The following SMG1 variants were observed in gnomAD, a reference collection of about 807,000 sequenced individuals.
The protein encoded by SMG1 is SMG1 nonsense mediated mRNA decay associated PI3K related kinase.
Under a neutral mutation model 419.9 loss-of-function variants are expected in SMG1, and 22 were observed. That is an observed-to-expected ratio of 0.05 (90% CI 0.04 to 0.07). The LOEUF (loss-of-function observed/expected upper bound fraction) is 0.07, where lower values mean the gene tolerates loss of function less well. Ranked by LOEUF, SMG1 falls within the 10% of genes least tolerant of loss-of-function variation. The pLI is 1.00. For synonymous variants in SMG1, 1,538 were observed against 1,553.5 expected (o/e 0.99, Z 0.23); for missense variants, 3,185 against 4,342.0 (o/e 0.73, Z 7.49).
chr16:18,878,961 A>C (rs910458461), intron 11 of SMG1: 8 of 172,586 alleles, frequency 4.6e-5, no homozygotes, highest in Non-Finnish European at 1.0e-4. Flanking sequence ...AGTGAGCCAA[A>C]ATCATGCCAC....
intron 33 of SMG1, among the ~76,000 whole-genome samples, chr16:18,851,781 G>A (rs1199815926): frequency 9.9e-5 from 15 of 152,180 alleles, no homozygotes; most frequent in Non-Finnish European, 1.3e-4. Context: ...GACCTCAAGC[G>A]ATCCACCCAC....
At chr16:18,890,197 A>C (rs1240515359) in intron 5 of SMG1, among the ~76,000 whole-genome samples, 1 of 152,222 alleles carries the variant, frequency 6.6e-6, no homozygotes, top group Non-Finnish European at 1.5e-5. Flanking sequence ...CCAAAGAAGG[A>C]AACTCCTTTT....
rs562147457 is a variant in SMG1, at chr16:18,919,352, C to T, written c.92+6598G>A. On this transcript the variant is annotated intron_variant, in intron 1 of 62. Transcript: ENST00000446231. ...TAAAAAAAAAATTTATGACCGGGCA[C>T]GGTGGCTCATGCCTGTAATCCCAGC... 3.3e-5 allele frequency among the ~76,000 whole-genome samples: 5 copies of T among 151,270 alleles called. No homozygotes were observed. In the South Asian group the frequency reaches 8.4e-4, roughly 25 times the overall value.
chr16:18,818,948 T>C (rs1191416475), intron 56 of SMG1, among the ~76,000 whole-genome samples: 1 of 151,816 alleles, frequency 6.6e-6, no homozygotes, highest in African/African-American at 2.4e-5. Context: ...TCCTGAGCAG[T>C]TGGGACTACA....
Position 18,926,174 on chromosome 16 carries a change from G to GAGA in SMG1, c.-134_-133insTCT. On this transcript the variant is annotated 5_prime_UTR_variant, in exon 1 of 63. Coordinates refer to ENST00000446231, the MANE Select transcript of SMG1 (RefSeq NM_015092.5). Reference sequence around the variant, plus strand: ...AGCCGAGAAGGAGGAGGAGGAGGAGGAGGAGGAGAAGGAGGAGGCGGCGGA... The same window carrying GAGA: ...AGCCGAGAAGGAGGAGGAGGAGGAGGAGAAGGAGGAGAAGGAGGAGGCGGCGGA... The GAGA allele has an allele frequency of 1.3e-6, 1 of 759,256 alleles. No homozygotes were observed. Among genetic ancestry groups the GAGA allele is most frequent in the Non-Finnish European group, 2.0e-6 (1 of 496,482 alleles). The allele number at this position is 759,256 out of a possible 1,614,324, so 47.0% of individuals were successfully genotyped here. A position where few individuals can be genotyped will look rare whatever the true frequency, so the allele number is the denominator to read the frequency against.
At chr16:18,879,923 A>C (rs925683066) in intron 10 of SMG1, among the ~76,000 whole-genome samples, 1 of 152,234 alleles carries the variant, frequency 6.6e-6, no homozygotes, top group Non-Finnish European at 1.5e-5. Flanking sequence ...AAAAAATCCT[A>C]AAGTGCTATT....
rs1455868056 is a variant in SMG1, at chr16:18,869,172, T to C, written c.2765A>G (p.Gln922Arg). Residue 922 changes from glutamine to arginine, a missense_variant, in exon 20 of 63, where the codon CAA (glutamine) becomes CGA (arginine). Gln to Arg is a conservative substitution (Grantham distance 43, BLOSUM62 1). This residue lies in a region of SMG1 where 48 missense variants were observed against 48.8 expected (regional missense o/e 0.98). Transcript: ENST00000446231. The part of the protein sequence containing the change: ...LWQWAIWEAA[Q>R]FTVLSKLRTP... ...TCTCAGCTTAGAAAGAACAGTGAAT[T>C]GTGCAGCTTCCCATATGGCCCACTG... is the stretch of plus-strand genomic sequence containing the variant. 6.2e-7 allele frequency: 1 copy of C among 1,611,758 alleles called. No homozygotes were observed. Among genetic ancestry groups the C allele is most frequent in the Non-Finnish European group, 8.5e-7 (1 of 1,179,660 alleles).
intron 1 of SMG1, among the ~76,000 whole-genome samples, chr16:18,924,300 C>A (rs1211151010): frequency 1.6e-4 from 25 of 152,190 alleles, no homozygotes; most frequent in Admixed American, 1.6e-3. Flanking sequence ...GCAATGAAGT[C>A]AGCTGGCCCT....
intron 48 of SMG1, 87 bp from the exon 49 acceptor site, chr16:18,835,251 T>C (rs955110542): frequency 2.3e-6 from 3 of 1,322,678 alleles, no homozygotes; most frequent in African/African-American, 1.5e-5. Context: ...CAAACAAAAC[T>C]TGAAGAGTAG....
chr16:18,916,592 T>G (rs1431937652), intron 1 of SMG1, among the ~76,000 whole-genome samples: 1 of 148,500 alleles, frequency 6.7e-6, no homozygotes, highest in Non-Finnish European at 1.5e-5. Context: ...AAGAATTTAG[T>G]AAGTTATACT....
At chr16:18,835,245 CA>C in intron 48 of SMG1, 81 bp from the exon 49 acceptor site, 1 of 1,377,630 alleles carries the variant, frequency 7.3e-7, no homozygotes, top group Non-Finnish European at 9.8e-7. Context: ...AATCCTCAAA[CA>C]AAACTTGAAG....
chr16:18,893,757 G>A (rs9646249), intron 3 of SMG1, among the ~76,000 whole-genome samples: 74,824 of 151,740 alleles, frequency 0.49, 18,789 homozygotes, highest in Middle Eastern at 0.6. Context: ...GAAAACATTG[G>A]TAAAAAAAGA....
intron 6 of SMG1, among the ~76,000 whole-genome samples, chr16:18,888,840 T>TG (rs1162234964): frequency 7.1e-6 from 1 of 139,980 alleles, no homozygotes; most frequent in Admixed American, 7.4e-5. Flanking sequence ...TTTTTTTTTT[T>TG]GAGACACAGT....
intron 13 of SMG1, chr16:18,874,959 A>G (rs2141645968): frequency 7.5e-6 from 1 of 133,986 alleles, no homozygotes; most frequent in East Asian, 2.2e-4. Flanking sequence ...TCCCTCATTC[A>G]TAATGCTTGG....
chr16:18,870,428 T>G (rs1368119726), intron 18 of SMG1, among the ~76,000 whole-genome samples, 182 bp downstream of exon 18: 1 of 152,250 alleles, frequency 6.6e-6, no homozygotes, highest in Non-Finnish European at 1.5e-5. Context: ...CATTAAAAAT[T>G]TTTAATTTTC....
At position 18,871,442 on chromosome 16, in the gene SMG1, T is replaced by C. The variant is rs2035816847; in HGVS notation, c.2224A>G (p.Met742Val). 6.2e-7 allele frequency: 1 copy of C among 1,602,286 alleles called. No individual in the cohort carries two copies. Among genetic ancestry groups the C allele is most frequent in the Non-Finnish European group, 8.5e-7 (1 of 1,176,864 alleles). Residue 742 changes from methionine to valine, a missense_variant, in exon 16 of 63, where the codon ATG becomes GTG. By Grantham distance (21) the Met-to-Val change is conservative (BLOSUM62 1). Around this residue, in one of 27 missense-constraint regions of SMG1, gnomAD observed 297 missense variants for 491.0 expected, o/e 0.60. Transcript: ENST00000446231. Reference protein sequence around the residue: ...MTWALEAAVLMKKSETYAPLF... With the variant: ...MTWALEAAVLVKKSETYAPLF... The stretch of plus-strand genomic sequence containing the variant: ...GGTGCGTATGTTTCAGACTTCTTCA[T>C]TAAAACAGCTGCTTCCAAAGCCCAA...
intron 22 of SMG1, among the ~76,000 whole-genome samples, chr16:18,867,801 C>A (rs1253960121): frequency 6.8e-6 from 1 of 147,936 alleles, no homozygotes; most frequent in African/African-American, 2.5e-5. Context: ...CTCCGCCTCC[C>A]GGGTTCACGC....
intron 24 of SMG1, 69 bp downstream of exon 24, chr16:18,863,933 A>T: frequency 6.4e-7 from 1 of 1,566,004 alleles, no homozygotes; most frequent in Non-Finnish European, 8.7e-7. Flanking sequence ...CTAAAAACAT[A>T]AAATAAGATC....
intron 1 of SMG1, among the ~76,000 whole-genome samples, chr16:18,899,354 TTG>T (rs2037258196): frequency 1.3e-5 from 2 of 152,066 alleles, no homozygotes; most frequent in Admixed American, 1.3e-4. Context: ...CAAAAAAAAT[TTG>T]TGTTTTCAGA....
Sources: allele counts gnomAD v4.1 joint callset (sites outside exome capture counted in the v4.1 genomes callset), GRCh38; gene constraint gnomAD v4.1.1; regional missense constraint gnomAD v4.1.1; transcripts MANE v1.5; gene names NCBI Gene and HGNC (gene_info 2026-07-23, HGNC 2026-07-21).